The following NALF1 variants were observed in gnomAD, a reference collection of about 807,000 sequenced individuals.
The protein encoded by NALF1 is family with sequence similarity 155 member A.
NALF1 carries 3 observed loss-of-function variants against 48.4 expected under a neutral mutation model. The observed-to-expected ratio is 0.06, with a 90% CI of 0.03 to 0.16. The LOEUF is 0.16. NALF1 is among the 10% of genes least tolerant of loss of function. The pLI is 1.00. For missense variants in NALF1, 526 were observed against 571.5 expected (o/e 0.92, Z 0.81); for synonymous variants, 262 against 245.7 (o/e 1.07, Z -0.62).
chr13:107,189,762 T>C (rs1879244442), intron 2 of NALF1, among the ~76,000 whole-genome samples: 1 of 152,234 alleles, frequency 6.6e-6, no homozygotes, highest in Non-Finnish European at 1.5e-5. Flanking sequence ...GCTTTTACTT[T>C]TCAGGTTAGA....
At chr13:107,205,555 A>C (rs1488239850) in intron 2 of NALF1, among the ~76,000 whole-genome samples, 2 of 152,164 alleles carry the variant, frequency 1.3e-5, no homozygotes, top group Non-Finnish European at 2.9e-5. Flanking sequence ...GAACAACAGC[A>C]GCCCACAGTA....
chr13:107,782,178 C>A (rs1376864429), intron 1 of NALF1, among the ~76,000 whole-genome samples: 1 of 152,196 alleles, frequency 6.6e-6, no homozygotes, highest in South Asian at 2.1e-4. Context: ...CTCAGCCTGC[C>A]GAGTGCCTGC....
chr13:107,750,292 T>C (rs1321835909), intron 1 of NALF1, among the ~76,000 whole-genome samples: 1 of 152,024 alleles, frequency 6.6e-6, no homozygotes, highest in Admixed American at 6.6e-5. Flanking sequence ...CGGAATACGG[T>C]CTTCAAGCTG....
intron 1 of NALF1, among the ~76,000 whole-genome samples, chr13:107,258,662 A>G (rs1325084785): frequency 6.6e-6 from 1 of 152,208 alleles, no homozygotes; most frequent in African/African-American, 2.4e-5. Flanking sequence ...TGATCTTGGC[A>G]CTAACGACAT....
intron 1 of NALF1, among the ~76,000 whole-genome samples, chr13:107,427,705 T>C (rs920684375): frequency 1.3e-5 from 2 of 152,210 alleles, no homozygotes; most frequent in Non-Finnish European, 2.9e-5. Flanking sequence ...TTCAGGGCTA[T>C]GGCTATTTGG....
chr13:107,523,845 A>T (rs1876336571), intron 1 of NALF1, among the ~76,000 whole-genome samples: 1 of 152,178 alleles, frequency 6.6e-6, no homozygotes, highest in African/African-American at 2.4e-5. Flanking sequence ...AAAGAAAACC[A>T]ATACTAAAAA....
chr13:107,738,549 A>T (rs1397584801), intron 1 of NALF1, among the ~76,000 whole-genome samples: 2 of 152,236 alleles, frequency 1.3e-5, no homozygotes, highest in Non-Finnish European at 2.9e-5. Context: ...TAACTACAAT[A>T]TCACTTTGTG....
intron 1 of NALF1, among the ~76,000 whole-genome samples, chr13:107,467,661 T>C (rs973316529): frequency 6.6e-6 from 1 of 152,166 alleles, no homozygotes; most frequent in African/African-American, 2.4e-5. Context: ...GTAGGGGAAA[T>C]AGCCATATGA....
chr13:107,203,355 A>G (rs1236622879), intron 2 of NALF1, among the ~76,000 whole-genome samples: 1 of 152,122 alleles, frequency 6.6e-6, no homozygotes, highest in African/African-American at 2.4e-5. Context: ...CTGGCTGTAG[A>G]GGAGATCACT....
intron 1 of NALF1, among the ~76,000 whole-genome samples, chr13:107,487,044 T>C (rs1435090740): frequency 6.6e-6 from 1 of 152,074 alleles, no homozygotes; most frequent in Admixed American, 6.6e-5. Flanking sequence ...TAGACACGAA[T>C]TCCTCCGTGC....
chr13:107,685,130 T>C (rs1881403720), intron 1 of NALF1, among the ~76,000 whole-genome samples: 1 of 152,078 alleles, frequency 6.6e-6, no homozygotes, highest in Non-Finnish European at 1.5e-5. Flanking sequence ...CTGGCTAACA[T>C]GGTGAAGCCC....
chr13:107,849,894 A>G (rs1175716225), intron 1 of NALF1, among the ~76,000 whole-genome samples: 2 of 152,216 alleles, frequency 1.3e-5, no homozygotes, highest in African/African-American at 2.4e-5. Flanking sequence ...CTGGTATATA[A>G]TTCATTTTAT....
chr13:107,401,748 C>T (rs575618558), intron 1 of NALF1, among the ~76,000 whole-genome samples: 16 of 151,442 alleles, frequency 1.1e-4, no homozygotes, highest in African/African-American at 1.7e-4. Context: ...GCCAGTCAGC[C>T]GAAATGGCAC....
chr13:107,606,726 T>C (rs1324901237), intron 1 of NALF1, among the ~76,000 whole-genome samples: 1 of 152,146 alleles, frequency 6.6e-6, no homozygotes, highest in East Asian at 1.9e-4. Context: ...AAAAAAAAAT[T>C]ACACTGTAAA....
At chr13:107,581,253 C>T (rs1378085318) in intron 1 of NALF1, among the ~76,000 whole-genome samples, 1 of 152,028 alleles carries the variant, frequency 6.6e-6, no homozygotes, top group East Asian at 1.9e-4. Context: ...CAAATGTGAC[C>T]ATGTGATATG....
chr13:107,552,951 T>C (rs1298621771), intron 1 of NALF1, among the ~76,000 whole-genome samples: 1 of 152,130 alleles, frequency 6.6e-6, no homozygotes, highest in Non-Finnish European at 1.5e-5. Flanking sequence ...TTAAATACTC[T>C]GAATTGTTAT....
chr13:107,602,773 C>A (rs771087817), intron 1 of NALF1, among the ~76,000 whole-genome samples: 3 of 152,174 alleles, frequency 2.0e-5, no homozygotes, highest in Non-Finnish European at 2.9e-5. Context: ...TCATATGGAT[C>A]CATCCACCTT....
chr13:107,328,637 A>C (rs1033287318), intron 1 of NALF1, among the ~76,000 whole-genome samples: 1 of 152,208 alleles, frequency 6.6e-6, no homozygotes, highest in Admixed American at 6.5e-5. Context: ...TTCTAAATGA[A>C]TAGTACAATG....
intron 1 of NALF1, among the ~76,000 whole-genome samples, chr13:107,620,074 C>A (rs964984264): frequency 2.0e-5 from 3 of 152,042 alleles, no homozygotes; most frequent in African/African-American, 7.2e-5. Context: ...TTTTATCAGG[C>A]CTTTTAAACT....
Sources: allele counts gnomAD v4.1 joint callset (sites outside exome capture counted in the v4.1 genomes callset), GRCh38; gene constraint gnomAD v4.1.1; transcripts MANE v1.5; gene names NCBI Gene and HGNC (gene_info 2026-07-23, HGNC 2026-07-21).